ABLIM1: variants seen among roughly 807,000 people sequenced by gnomAD.
The protein encoded by ABLIM1 is actin binding LIM protein 1.
ABLIM1 carries 40 observed loss-of-function variants against 107.0 expected under a neutral mutation model. That is an observed-to-expected ratio of 0.37 (90% confidence interval 0.29 to 0.49). The LOEUF is 0.49. ABLIM1 is among the 20% of genes least tolerant of loss of function. The pLI is 0.97. For synonymous variants in ABLIM1, 357 were observed against 357.3 expected, an observed-to-expected ratio of 1.00 and a Z score of 0.01; for missense variants, 857 against 1,008.5, an observed-to-expected ratio of 0.85 and a Z score of 2.04.
chr10:114,733,369 C>G (rs1254950556), intron 1 of ABLIM1, among the ~76,000 whole-genome samples: 1 of 152,094 alleles, frequency 6.6e-6, no homozygotes, highest in African/African-American at 2.4e-5. Flanking sequence ...ACAAAATAAC[C>G]TAATGCTCAT....
chr10:114,514,838 AG>A (rs1471093995), intron 6 of ABLIM1, among the ~76,000 whole-genome samples: 1 of 152,228 alleles, frequency 6.6e-6, no homozygotes, highest in East Asian at 1.9e-4. Context: ...GAAGTTTAAA[AG>A]CTTCAGATTG....
At chr10:114,612,075 T>C (rs2076846039) in intron 1 of ABLIM1, among the ~76,000 whole-genome samples, 1 of 152,186 alleles carries the variant, frequency 6.6e-6, no homozygotes. Flanking sequence ...GGAGACAATG[T>C]GAGGCCATAT....
chr10:114,742,146 C>G (rs996158831), intron 1 of ABLIM1, among the ~76,000 whole-genome samples: 2 of 152,122 alleles, frequency 1.3e-5, no homozygotes, highest in Non-Finnish European at 2.9e-5. Flanking sequence ...CTTTGACTCT[C>G]AAAGCTGACT....
At chr10:114,659,128 C>T (rs75718141), upstream of ABLIM1, among the ~76,000 whole-genome samples, 2,415 of 152,224 alleles carry the variant, frequency 0.016, 62 homozygotes, top group African/African-American at 0.054. Context: ...ATATAAATTC[C>T]TTTTCATTAA....
intron 1 of ABLIM1, among the ~76,000 whole-genome samples, chr10:114,762,812 A>G (rs914083767): frequency 1.3e-5 from 2 of 152,214 alleles, no homozygotes; most frequent in East Asian, 1.9e-4. Context: ...ACAATGTATC[A>G]TGGCCATCCC....
intron 13 of ABLIM1, among the ~76,000 whole-genome samples, chr10:114,452,104 G>A (rs1218409708): frequency 1.3e-5 from 2 of 152,110 alleles, no homozygotes; most frequent in Non-Finnish European, 2.9e-5. Flanking sequence ...ACTAATGAGT[G>A]GAACAGTGGA....
At position 114,470,232 on chromosome 10, in the gene ABLIM1, G is replaced by A. The variant is rs145512465; in HGVS notation, c.1276-2016C>T. On this transcript the variant is annotated intron_variant, in intron 10 of 22. Transcript: ENST00000533213. ...GAGGTCAGGAGTTCACGACCAGCCT[G>A]GCCAACATGGAGAAACCCCAACTCT... Among the ~76,000 whole-genome samples, 105 of 152,232 alleles carry A rather than the reference G, an allele frequency of 6.9e-4. 3 individuals are homozygous for A. In the East Asian group the frequency reaches 0.019, roughly 27 times the overall value.
At chr10:114,574,513 C>T (rs752755427) in intron 3 of ABLIM1, among the ~76,000 whole-genome samples, 3 of 151,950 alleles carry the variant, frequency 2.0e-5, no homozygotes, top group Non-Finnish European at 4.4e-5. Context: ...GATCTCGGCT[C>T]ACTGCAACCT....
rs561937526 is a variant in ABLIM1, at chr10:114,748,725, T to C, written c.-213+19336A>G. ...AGACTGGAGTGCAGTGACATGATCA[T>C]AGCTCAGTGCAGCCTCAAACTCCTA... On this transcript the variant is annotated intron_variant, in intron 1 of 15. Coordinates refer to the ABLIM1 transcript ENST00000651092. 2.7e-4 allele frequency among the ~76,000 whole-genome samples: 41 copies of C among 150,636 alleles called. No homozygotes were observed. The South Asian group carries it at 7.8e-3, about 29-fold the overall frequency.
chr10:114,547,927 ATCTT>A (rs1185120429), intron 4 of ABLIM1, 151 bp from the exon 5 acceptor site: 2 of 1,141,124 alleles, frequency 1.8e-6, no homozygotes, highest in African/African-American at 3.2e-5. Context: ...CCTGCACAAA[ATCTT>A]TCTTGGTGAA....
At chr10:114,569,235 G>A (rs11196789) in intron 4 of ABLIM1, among the ~76,000 whole-genome samples, 44 of 152,100 alleles carry the variant, frequency 2.9e-4, no homozygotes, top group Non-Finnish European at 5.0e-4. Flanking sequence ...CCATTCCCAT[G>A]ATGGGCCTTG....
rs540655389 is a variant in ABLIM1 at position 114,751,991 on chromosome 10, G to C, written c.-213+16070C>G. Among the ~76,000 whole-genome samples the C allele has an allele frequency of 7.6e-4, 115 of 152,246 alleles. 1 individual carries two copies. The highest frequency in any genetic ancestry group is 2.6e-3 in the African/African-American group (110 of 41,532). ...CCCAAAACCTTCGAGCCATGAATTA[G>C]GATGGAGCCAGCACCTTCCCCAACC... On this transcript the variant is annotated intron_variant, in intron 1 of 15. Coordinates refer to the ABLIM1 transcript ENST00000651092.
At chr10:114,548,936 G>A (rs536298831) in intron 4 of ABLIM1, among the ~76,000 whole-genome samples, 1 of 152,278 alleles carries the variant, frequency 6.6e-6, no homozygotes, top group South Asian at 2.1e-4. Context: ...GACCACATCC[G>A]TGACTGCCAC....
intron 1 of ABLIM1, among the ~76,000 whole-genome samples, chr10:114,750,330 C>A (rs1414784369): frequency 6.6e-6 from 1 of 152,178 alleles, no homozygotes; most frequent in Non-Finnish European, 1.5e-5. Context: ...CGTTACCAAC[C>A]CTTCTTTAGA....
At chr10:114,565,528 A>G (rs2070542089) in intron 4 of ABLIM1, among the ~76,000 whole-genome samples, 1 of 152,176 alleles carries the variant, frequency 6.6e-6, no homozygotes, top group African/African-American at 2.4e-5. Context: ...AGGATGGGGA[A>G]GTAAAGAGGT....
intron 1 of ABLIM1, among the ~76,000 whole-genome samples, chr10:114,747,418 T>C (rs2082408014): frequency 6.6e-6 from 1 of 152,174 alleles, no homozygotes; most frequent in Non-Finnish European, 1.5e-5. Context: ...CGCTCTGCTC[T>C]ATGTGTATAC....
rs2059227096 is a variant in ABLIM1 at position 114,434,953 on chromosome 10, C to A, written c.*1307G>T. ...AAGTGATGTTGGGGTCGCAGTTTAG[C>A]CTCACTCTTGATCTTTGAGTCACAC... On this transcript the variant is annotated 3_prime_UTR_variant, in exon 23 of 23. Coordinates refer to ENST00000533213, the MANE Select transcript of ABLIM1 (RefSeq NM_002313.7). 1 of 152,138 alleles carries A rather than the reference C, an allele frequency of 6.6e-6. No individual in the cohort carries two copies. The highest frequency in any genetic ancestry group is 2.1e-4 in the South Asian group (1 of 4,826). The allele number at this position is 152,138 out of a possible 1,614,324, so 9.4% of individuals were successfully genotyped here. A position where few individuals can be genotyped will look rare whatever the true frequency, so the allele number is the denominator to read the frequency against.
At chr10:114,476,869 T>C (rs1024156455) in intron 8 of ABLIM1, among the ~76,000 whole-genome samples, 6 of 152,066 alleles carry the variant, frequency 3.9e-5, no homozygotes, top group Non-Finnish European at 8.8e-5. Flanking sequence ...CCAAACTTAA[T>C]GTCAAAATGA....
rs1933727496 is a variant in ABLIM1, at chr10:114,432,025, AC to A, written c.*4234del. 1 of 152,186 alleles carries A rather than the reference AC, an allele frequency of 6.6e-6. No homozygotes were observed. The highest frequency in any genetic ancestry group is 1.5e-5 in the Non-Finnish European group (1 of 68,048). 9.4% of individuals were successfully genotyped at this position (152,186 alleles called of 1,614,324 possible). A position where few individuals can be genotyped will look rare whatever the true frequency, so the allele number is the denominator to read the frequency against. On this transcript the variant is annotated 3_prime_UTR_variant, in exon 23 of 23. Coordinates refer to ENST00000533213, the MANE Select transcript of ABLIM1 (RefSeq NM_002313.7). ...AGTGAAGGTTTCTCTTTCTTCTATC[AC>A]AACATAGTTGGGTAGTTCCCTTAAA...
Sources: gnomAD v4.1 joint callset for allele counts (sites outside exome capture counted in the v4.1 genomes callset) on GRCh38, gnomAD v4.1.1 for gene constraint, MANE v1.5 for transcripts, NCBI Gene and HGNC (gene_info 2026-07-23, HGNC 2026-07-21) for gene names.